CDKL2: variants seen among roughly 807,000 people sequenced by gnomAD.
CDKL2 encodes the protein cyclin dependent kinase like 2.
A neutral mutation model predicts 63.9 loss-of-function variants in CDKL2; 64 were observed. That is an observed-to-expected ratio of 1.00 (90% CI 0.82 to 1.23). The LOEUF is 1.23. Ranked by LOEUF, CDKL2 falls within the 50% of genes most tolerant of loss-of-function variation. CDKL2 has a pLI of 0.00. For synonymous variants in CDKL2, 211 were observed against 229.2 expected (o/e 0.92, Z 0.72); for missense variants, 656 against 668.0 (o/e 0.98, Z 0.20).
chr4:75,607,228 C>G lies in CDKL2; in HGVS notation c.497G>C (p.Trp166Ser), dbSNP rs1560585430. The change falls in exon 4 of 14, where the codon TGG becomes TCG. Residue 166 changes from tryptophan to serine, a missense_variant. Coordinates refer to ENST00000307465, the MANE Select transcript of CDKL2 (RefSeq NM_001330724.2). ...EVYTDYVATR[W>S]YRAPELLVGD... Reference sequence around the variant, plus strand: ...AACCAATAGTTCTGGAGCTCTGTACCATCGGGTTGCCACATAATCAGTATA... The same window carrying G: ...AACCAATAGTTCTGGAGCTCTGTACGATCGGGTTGCCACATAATCAGTATA... The G allele has an allele frequency of 1.2e-6, 2 of 1,613,786 alleles. No homozygotes were observed. The highest frequency in any genetic ancestry group is 2.7e-5 in the African/African-American group (2 of 74,918).
chr4:75,589,594 G>A (rs1381079659), intron 12 of CDKL2, among the ~76,000 whole-genome samples: 5 of 152,022 alleles, frequency 3.3e-5, no homozygotes, highest in African/African-American at 9.7e-5. Flanking sequence ...GTGAGCCACC[G>A]CGCCCGGCCG....
chr4:75,591,647 A>G (rs923400819), intron 12 of CDKL2, among the ~76,000 whole-genome samples, 172 bp downstream of exon 12: 3 of 152,176 alleles, frequency 2.0e-5, no homozygotes, highest in African/African-American at 7.2e-5. Flanking sequence ...GTAAATATAT[A>G]TGTAATAAAG....
rs767763721 is a variant in CDKL2, at chr4:75,598,080, T to C, written c.1017A>G (p.Val339=). 1 of 1,507,290 alleles carries C rather than the reference T, an allele frequency of 6.6e-7. No individual in the cohort carries two copies. Among genetic ancestry groups the C allele is most frequent in the Non-Finnish European group, 9.0e-7 (1 of 1,112,446 alleles). 93.4% of individuals were successfully genotyped at this position (1,507,290 alleles called of 1,614,324 possible). A position where few individuals can be genotyped will look rare whatever the true frequency, so the allele number is the denominator to read the frequency against. ...AATGTGAAACATGAACATTTACCTG[T>C]ACCACAAGTGTTTTTCTTTCTTCAA... ...SLVEERKTLV[V]QDTNADPKIK... is the part of the protein sequence containing the mutation. The change falls in exon 8 of 14, where the codon GTA becomes GTG. Residue 339 remains valine, a synonymous_variant. Transcript: ENST00000307465.
At chr4:75,593,428 T>C (rs1728791747) in intron 10 of CDKL2, among the ~76,000 whole-genome samples, 1 of 152,104 alleles carries the variant, frequency 6.6e-6, no homozygotes, top group Admixed American at 6.6e-5. Context: ...TAGGCTTAGC[T>C]CTGCTTGCAT....
At chr4:75,602,752 G>A (rs1468854538) in intron 6 of CDKL2, among the ~76,000 whole-genome samples, 4 of 151,264 alleles carry the variant, frequency 2.6e-5, no homozygotes, top group Admixed American at 2.6e-4. Context: ...TCCAACTCCT[G>A]ACTTCAAGTG....
At chr4:75,585,372 G>A (rs966855787) in intron 12 of CDKL2, among the ~76,000 whole-genome samples, 4 of 152,106 alleles carry the variant, frequency 2.6e-5, no homozygotes, top group African/African-American at 9.7e-5. Flanking sequence ...TGGGTCAGGA[G>A]TTTGAGCAAC....
rs116173056 is a variant in CDKL2, at chr4:75,578,009, A to C, written c.*1193T>G. ...ATTAGTTAAGGCAAAAAAAAAAAAA[A>C]AACTCACAAATTCTGGTTCCCTAAA... is the stretch of plus-strand genomic sequence containing the variant. On this transcript the variant is annotated 3_prime_UTR_variant, in exon 14 of 14. Coordinates refer to ENST00000307465, the MANE Select transcript of CDKL2 (RefSeq NM_001330724.2). 683 of 152,300 alleles carry C rather than the reference A, an allele frequency of 4.5e-3. 6 individuals are homozygous for C. Among genetic ancestry groups the C allele is most frequent in the African/African-American group, 0.016 (657 of 41,468 alleles). The allele number at this position is 152,300 out of a possible 1,614,324, so 9.4% of individuals were successfully genotyped here.
At chr4:75,624,389 T>C (rs113465886) in intron 2 of CDKL2, among the ~76,000 whole-genome samples, 19,003 of 151,728 alleles carry the variant, frequency 0.13, 1,504 homozygotes, top group South Asian at 0.35. Context: ...TTATCTCTAC[T>C]GAAAATAAAA....
At chr4:75,597,467 C>A (rs1164756349) in intron 8 of CDKL2, among the ~76,000 whole-genome samples, 1 of 152,112 alleles carries the variant, frequency 6.6e-6, no homozygotes, top group African/African-American at 2.4e-5. Flanking sequence ...CACTCAGACA[C>A]ACACACACAC....
chr4:75,615,577 T>C (rs1440263225), intron 2 of CDKL2, among the ~76,000 whole-genome samples: 1 of 152,168 alleles, frequency 6.6e-6, no homozygotes, highest in East Asian at 1.9e-4. Flanking sequence ...AACATGAGCA[T>C]TGAATCCATT....
chr4:75,589,299 CTTTTTTTTTTTTT>C (rs34052339), intron 12 of CDKL2, among the ~76,000 whole-genome samples: 1 of 88,412 alleles, frequency 1.1e-5, no homozygotes, highest in African/African-American at 4.6e-5. Flanking sequence ...TTGATAGTTT[CTTTTTTTTTTTTT>C]TTTTTTTTTT....
intron 13 of CDKL2, among the ~76,000 whole-genome samples, chr4:75,579,533 C>T (rs779817501): frequency 4.0e-5 from 6 of 151,584 alleles, no homozygotes; most frequent in African/African-American, 1.5e-4. Context: ...AAAATTAGCC[C>T]GGCATGGTGG....
chr4:75,583,100 A>C (rs1029156952), intron 12 of CDKL2, among the ~76,000 whole-genome samples: 6 of 152,236 alleles, frequency 3.9e-5, no homozygotes, highest in Non-Finnish European at 8.8e-5. Context: ...TCTAGGGAAG[A>C]AGAGAGACCG....
At chr4:75,590,926 C>T (rs1034185280) in intron 12 of CDKL2, among the ~76,000 whole-genome samples, 1 of 152,100 alleles carries the variant, frequency 6.6e-6, no homozygotes, top group African/African-American at 2.4e-5. Context: ...AAGTTTGTAG[C>T]TAGTTATGGT....
chr4:75,626,052 AG>A (rs1439168474), intron 1 of CDKL2, 35 bp from the exon 2 acceptor site: 11 of 1,353,578 alleles, frequency 8.1e-6, no homozygotes, highest in Non-Finnish European at 1.1e-5. Flanking sequence ...AACAAAGTTG[AG>A]TACGTTAATT....
intron 10 of CDKL2, among the ~76,000 whole-genome samples, chr4:75,593,048 G>A (rs1315030366): frequency 6.6e-6 from 1 of 152,050 alleles, no homozygotes. Flanking sequence ...ATTAAGTTAT[G>A]GAGGTTCCTT....
At chr4:75,581,939 G>T (rs1021789552) in intron 12 of CDKL2, 41 bp from the exon 13 acceptor site, 4 of 1,384,930 alleles carry the variant, frequency 2.9e-6, no homozygotes, top group Non-Finnish European at 4.1e-6. Flanking sequence ...CTCAGTAATT[G>T]CAAAAGTTCC....
intron 12 of CDKL2, among the ~76,000 whole-genome samples, chr4:75,585,549 T>C (rs1168486912): frequency 6.6e-6 from 1 of 152,068 alleles, no homozygotes; most frequent in African/African-American, 2.4e-5. Flanking sequence ...GCTATGATCA[T>C]GCCGCTGCAC....
intron 2 of CDKL2, among the ~76,000 whole-genome samples, chr4:75,623,864 T>C (rs1730278519): frequency 6.6e-6 from 1 of 152,172 alleles, no homozygotes. Flanking sequence ...CCAGGCGCGG[T>C]GGCTTACACC....
Sources: allele counts gnomAD v4.1 joint callset (sites outside exome capture counted in the v4.1 genomes callset), GRCh38; gene constraint gnomAD v4.1.1; transcripts MANE v1.5; gene names NCBI Gene and HGNC (gene_info 2026-07-23, HGNC 2026-07-21).